Variants in TOLLIP observed in about 807,000 individuals in gnomAD.
TOLLIP encodes the protein toll-interacting protein.
Under a neutral mutation model 33.5 loss-of-function variants are expected in TOLLIP, and 16 were observed. That is an observed-to-expected ratio of 0.48 (90% CI 0.32 to 0.72). The LOEUF is 0.72. Ranked by LOEUF, TOLLIP falls within the 30% of genes least tolerant of loss-of-function variation. TOLLIP has a pLI of 0.03. For synonymous variants in TOLLIP, 176 were observed against 163.7 expected (o/e 1.07, Z -0.57); for missense variants, 325 against 396.6 (o/e 0.82, Z 1.53).
rs1863236334 is a variant in TOLLIP at position 1,274,881 on chromosome 11, G to A, written c.*2158C>T. 1 of 152,174 alleles carries A rather than the reference G, an allele frequency of 6.6e-6. No individual in the cohort carries two copies. The highest frequency in any genetic ancestry group is 2.4e-5 in the African/African-American group (1 of 41,420). The allele number at this position is 152,174 out of a possible 1,614,324, so 9.4% of individuals were successfully genotyped here. On this transcript the variant is annotated 3_prime_UTR_variant, in exon 6 of 6. Coordinates refer to ENST00000317204, the MANE Select transcript of TOLLIP (RefSeq NM_019009.4). ...ACAGGCGGGGGCGGGGGAGGGTGGG[G>A]GTTGTGAACCAGCTAATTCTGGGGA...
chr11:1,278,367 C>A lies in TOLLIP; in HGVS notation c.611-1114G>T, dbSNP rs763706104. ...AGCTAGGATCACTGGAGCGCTAGAG[C>A]CCCAATCTTAGGATAGGACTTTTGT... On this transcript the variant is annotated intron_variant, in intron 5 of 5. Coordinates refer to ENST00000317204, the MANE Select transcript of TOLLIP (RefSeq NM_019009.4). This position sits in a 1 kb window ranked among gnomAD's most constrained non-coding sequence, Gnocchi z 4.7. Among the ~76,000 whole-genome samples the A allele has an allele frequency of 6.6e-6, 1 of 152,172 alleles. No individual in the cohort carries two copies. Among genetic ancestry groups the A allele is most frequent in the South Asian group, 2.1e-4 (1 of 4,822 alleles).
rs187637433 is a variant in TOLLIP, at chr11:1,277,564, G to C, written c.611-311C>G. On this transcript the variant is annotated intron_variant, in intron 5 of 5. Coordinates refer to ENST00000317204, the MANE Select transcript of TOLLIP (RefSeq NM_019009.4). This position sits in a 1 kb window ranked among gnomAD's most constrained non-coding sequence, Gnocchi z 4.2. ...CCCGAGTCTGTTTTATAACTAGCAG[G>C]CTGGGGGTGGTGTTTTGATCCCTTC... Among the ~76,000 whole-genome samples the C allele has an allele frequency of 2.6e-4, 40 of 152,270 alleles. 1 individual carries two copies. The highest frequency in any genetic ancestry group is 4.7e-4 in the Non-Finnish European group (32 of 68,024).
At chr11:1,305,204 A>G (rs1412041557) in intron 1 of TOLLIP, among the ~76,000 whole-genome samples, 2 of 152,242 alleles carry the variant, frequency 1.3e-5, no homozygotes, top group Admixed American at 6.5e-5. Flanking sequence ...CAGACTCACA[A>G]CCCGGCCTAA....
In TOLLIP at chr11:1,288,747, G is replaced by C. The variant is rs199896670; in HGVS notation, c.396C>G (p.Ala132=). The C allele has an allele frequency of 1.1e-4, 177 of 1,612,670 alleles. No individual in the cohort carries two copies. Among genetic ancestry groups the C allele is most frequent in the Non-Finnish European group, 1.4e-4 (162 of 1,179,792 alleles). The change falls in exon 4 of 6, where the codon GCC becomes GCG. Residue 132 remains alanine, a synonymous_variant. Coordinates refer to ENST00000317204, the MANE Select transcript of TOLLIP (RefSeq NM_019009.4). ...ACTCCGGGATGGTGATGTGGGTCCA[G>C]GCAATGCGGTCGTCCATGGAGAAGG... ...ERAFSMDDRI[A]WTHITIPESL...
Position 1,275,963 on chromosome 11 carries a change from TCTGA to T in TOLLIP, c.*1072_*1075del, listed in dbSNP as rs1203435357. The T allele has an allele frequency of 6.6e-6, 1 of 152,250 alleles. No individual in the cohort carries two copies. The highest frequency in any genetic ancestry group is 1.5e-5 in the Non-Finnish European group (1 of 68,046). The allele number at this position is 152,250 out of a possible 1,614,324, so 9.4% of individuals were successfully genotyped here. A position where few individuals can be genotyped will look rare whatever the true frequency, so the allele number is the denominator to read the frequency against. Reference sequence around the variant, plus strand: ...TCACTTGTGAGAAGCTTCTCAAATTTCTGACTGTCATAACCAGGTGTCACCTAAA... The same window carrying T: ...TCACTTGTGAGAAGCTTCTCAAATTTCTGTCATAACCAGGTGTCACCTAAA... On this transcript the variant is annotated 3_prime_UTR_variant, in exon 6 of 6. Coordinates refer to ENST00000317204, the MANE Select transcript of TOLLIP (RefSeq NM_019009.4).
At chr11:1,299,331 T>C (rs1564978327) in intron 1 of TOLLIP, among the ~76,000 whole-genome samples, 1 of 152,186 alleles carries the variant, frequency 6.6e-6, no homozygotes, top group Non-Finnish European at 1.5e-5. Context: ...TGCCTGCTGC[T>C]GCAATGCCCT....
At chr11:1,299,886 G>A (rs531462182) in intron 1 of TOLLIP, among the ~76,000 whole-genome samples, 6 of 152,312 alleles carry the variant, frequency 3.9e-5, no homozygotes, top group South Asian at 4.1e-4. Flanking sequence ...ACCAGGAGCC[G>A]GCGGTCCCTG....
Position 1,303,824 on chromosome 11 carries a change from C to T in TOLLIP, c.33+5642G>A, listed in dbSNP as rs1240021637. Among the ~76,000 whole-genome samples the T allele has an allele frequency of 3.9e-5, 6 of 152,128 alleles. No individual in the cohort carries two copies. The East Asian group carries it at 9.7e-4, about 25-fold the overall frequency. Reference sequence around the variant, plus strand: ...GCTGAGGTGGGCGGATCACTTGAGACCAGGAGTTCGAGAACAGCCTGGCCA... The same window carrying T: ...GCTGAGGTGGGCGGATCACTTGAGATCAGGAGTTCGAGAACAGCCTGGCCA... On this transcript the variant is annotated intron_variant, in intron 1 of 5. Transcript: ENST00000317204. The surrounding 1 kb of genome is among the most constrained non-coding windows in gnomAD (Gnocchi z 4.2).
intron 5 of TOLLIP, among the ~76,000 whole-genome samples, chr11:1,284,156 A>T (rs1484557252): frequency 6.6e-6 from 1 of 152,152 alleles, no homozygotes; most frequent in Non-Finnish European, 1.5e-5. Context: ...GCTCAGGAAC[A>T]GCTGTGGGGC....
intron 1 of TOLLIP, among the ~76,000 whole-genome samples, chr11:1,299,559 T>G (rs777692372): frequency 8.0e-4 from 122 of 152,320 alleles, no homozygotes; most frequent in Non-Finnish European, 1.6e-3. Context: ...AGGAACTATT[T>G]CAATGGTCAC....
intron 1 of TOLLIP, chr11:1,302,761 C>G (rs1864320465): frequency 2.0e-6 from 2 of 985,514 alleles, no homozygotes; most frequent in South Asian, 9.4e-5. Flanking sequence ...CATGCAACTG[C>G]TCTTGGCAAG....
intron 1 of TOLLIP, among the ~76,000 whole-genome samples, chr11:1,300,476 C>T (rs1864236896): frequency 6.6e-6 from 1 of 152,210 alleles, no homozygotes; most frequent in Admixed American, 6.5e-5. Context: ...CTTAATTCTT[C>T]TTTTTTGTCA....
chr11:1,289,266 C>T (rs1863852780), intron 3 of TOLLIP, among the ~76,000 whole-genome samples: 2 of 152,272 alleles, frequency 1.3e-5, no homozygotes, highest in East Asian at 1.9e-4. Context: ...CAGGTAGGGA[C>T]GGGGAGAGAA....
Position 1,276,343 on chromosome 11 carries a change from G to A in TOLLIP, c.*696C>T, listed in dbSNP as rs5744020. ...GCGAAGGACCCGGCTTCAGATGCCC[G>A]CTGGCTGGCAATCAGGCAGAGCCTG... On this transcript the variant is annotated 3_prime_UTR_variant, in exon 6 of 6. Transcript: ENST00000317204. 2.1e-3 allele frequency: 423 copies of A among 204,132 alleles called. 4 individuals are homozygous for A. Among genetic ancestry groups the A allele is most frequent in the African/African-American group, 9.4e-3 (402 of 42,768 alleles). 12.6% of individuals were successfully genotyped at this position (204,132 alleles called of 1,614,324 possible). A position where few individuals can be genotyped will look rare whatever the true frequency, so the allele number is the denominator to read the frequency against.
intron 2 of TOLLIP, among the ~76,000 whole-genome samples, chr11:1,293,006 C>T (rs1020492332): frequency 2.6e-5 from 4 of 152,188 alleles, no homozygotes; most frequent in African/African-American, 7.2e-5. Flanking sequence ...CACGCGGGAA[C>T]GGACCTACTC....
Position 1,275,537 on chromosome 11 carries a change from CCAT to C in TOLLIP, c.*1499_*1501del, listed in dbSNP as rs1161310562. 3 of 152,208 alleles carry C rather than the reference CCAT, an allele frequency of 2.0e-5. No homozygotes were observed. In the East Asian group the frequency reaches 5.8e-4, roughly 29 times the overall value. The allele number at this position is 152,208 out of a possible 1,614,324, so 9.4% of individuals were successfully genotyped here. Reference sequence around the variant, plus strand: ...GTGGTCGGCGTCTGCTGAACAAATACCATGTCTTTCTTCTTCAAAGGATCAAAG... The same window carrying C: ...GTGGTCGGCGTCTGCTGAACAAATACGTCTTTCTTCTTCAAAGGATCAAAG... On this transcript the variant is annotated 3_prime_UTR_variant, in exon 6 of 6. Coordinates refer to ENST00000317204, the MANE Select transcript of TOLLIP (RefSeq NM_019009.4).
Position 1,276,763 on chromosome 11 carries a change from G to T in TOLLIP, c.*276C>A, listed in dbSNP as rs919263289. ...CTACAGCAAGAGCATTTTCCAGAAC[G>T]GCATGAGAAGGAGAGACGCACGTCC... is the stretch of plus-strand genomic sequence containing the variant. On this transcript the variant is annotated 3_prime_UTR_variant, in exon 6 of 6. Coordinates refer to ENST00000317204, the MANE Select transcript of TOLLIP (RefSeq NM_019009.4). 1 of 1,495,202 alleles carries T rather than the reference G, an allele frequency of 6.7e-7. No individual in the cohort carries two copies. Among genetic ancestry groups the T allele is most frequent in the South Asian group, 1.2e-5 (1 of 82,864 alleles). The allele number at this position is 1,495,202 out of a possible 1,614,324, so 92.6% of individuals were successfully genotyped here.
Position 1,277,191 on chromosome 11 carries a change from C to T in TOLLIP, c.673G>A (p.Ala225Thr), listed in dbSNP as rs764384006. The change falls in exon 6 of 6, where the codon GCC becomes ACC. Residue 225 changes from alanine to threonine, a missense_variant. Physicochemically the swap from Ala to Thr is moderately conservative, Grantham distance 58. Transcript: ENST00000317204. This position sits in a 1 kb window ranked among gnomAD's most constrained non-coding sequence, Gnocchi z 4.2. ...PVALPPAAVNAQPRCSEEDLK... is the reference protein window; with the variant it reads ...PVALPPAAVNTQPRCSEEDLK... ...TCCTCCTCGCTACAGCGGGGCTGGG[C>T]GTTCACGGCGGCCGGGGGCAGGGCC... 24 of 1,602,570 alleles carry T rather than the reference C, an allele frequency of 1.5e-5. No individual in the cohort carries two copies. The Middle Eastern group carries it at 8.3e-4, about 55-fold the overall frequency.
At position 1,288,790 on chromosome 11, in the gene TOLLIP, G is replaced by GAGGGAGAGGC. The variant is rs1390397598; in HGVS notation, c.367-24_367-15dup. ...GGAGAAGGCTCTCTGCGGGAGACAA[G>GAGGGAGAGGC]AGGGAGAGGCCCCAGGCATCAGGGA... On this transcript the variant is annotated splice_polypyrimidine_tract_variant and intron_variant, in intron 3 of 5. Coordinates refer to ENST00000317204, the MANE Select transcript of TOLLIP (RefSeq NM_019009.4). 1 of 1,609,212 alleles carries GAGGGAGAGGC rather than the reference G, an allele frequency of 6.2e-7. No individual in the cohort carries two copies. The highest frequency in any genetic ancestry group is 2.2e-5 in the East Asian group (1 of 44,852).
Sources: allele counts gnomAD v4.1 joint callset (sites outside exome capture counted in the v4.1 genomes callset), GRCh38; gene constraint gnomAD v4.1.1; non-coding constraint Gnocchi (gnomAD v3.1); transcripts MANE v1.5; gene names NCBI Gene and HGNC (gene_info 2026-07-23, HGNC 2026-07-21).